The following PPFIA2 variants were observed in gnomAD, a reference collection of about 807,000 sequenced individuals.
The protein encoded by PPFIA2 is liprin-alpha-2.
In PPFIA2, 46 loss-of-function variants were observed where a neutral mutation model predicts 175.5. The ratio of observed to expected loss-of-function variants is 0.26; its 90% CI spans 0.21 to 0.34. The LOEUF is 0.34. Ranked by LOEUF, PPFIA2 falls within the 10% of genes least tolerant of loss-of-function variation. PPFIA2 has a pLI of 1.00. For synonymous variants in PPFIA2, 568 were observed against 511.4 expected, an observed-to-expected ratio of 1.11 and a Z score of -1.49; for missense variants, 1,179 against 1,506.1, an observed-to-expected ratio of 0.78 and a Z score of 3.60.
chr12:81,616,001 C>T (rs373029227), intron 4 of PPFIA2, among the ~76,000 whole-genome samples: 1 of 152,048 alleles, frequency 6.6e-6, no homozygotes, highest in South Asian at 2.1e-4. Context: ...TCTTTAATAA[C>T]AGATGGAAAG....
Position 81,745,125 on chromosome 12 carries a change from T to G in PPFIA2, c.249+8848A>C, listed in dbSNP as rs147567478. Among the ~76,000 whole-genome samples, 628 of 152,336 alleles carry G rather than the reference T, an allele frequency of 4.1e-3. 14 individuals carry two copies. The highest frequency in any genetic ancestry group is 0.037 in the Admixed American group (566 of 15,304). On this transcript the variant is annotated intron_variant, in intron 3 of 32. Coordinates refer to ENST00000549396, the MANE Select transcript of PPFIA2 (RefSeq NM_003625.5). The stretch of plus-strand genomic sequence containing the variant: ...AGCCGTCCTAGCTTCTCTAGCATGA[T>G]TAGACAATAAATTAATTATCTTTTG...
At chr12:81,690,898 C>T (rs2075161020) in intron 3 of PPFIA2, among the ~76,000 whole-genome samples, 1 of 152,044 alleles carries the variant, frequency 6.6e-6, no homozygotes, top group Non-Finnish European at 1.5e-5. Context: ...TTATTTCAAT[C>T]TCTAGTTCTA....
chr12:81,389,699 T>C (rs996565450), intron 8 of PPFIA2, among the ~76,000 whole-genome samples: 2 of 152,086 alleles, frequency 1.3e-5, no homozygotes, highest in Non-Finnish European at 2.9e-5. Flanking sequence ...TCCAAACCAT[T>C]GTTAACTTGA....
intron 8 of PPFIA2, among the ~76,000 whole-genome samples, chr12:81,400,190 C>A (rs1566656331): frequency 6.6e-6 from 1 of 152,118 alleles, no homozygotes; most frequent in African/African-American, 2.4e-5. Flanking sequence ...GTGTGCAAAT[C>A]TTCACACTAT....
At chr12:81,663,587 C>G (rs959837696) in intron 4 of PPFIA2, among the ~76,000 whole-genome samples, 6 of 152,068 alleles carry the variant, frequency 3.9e-5, no homozygotes, top group African/African-American at 1.4e-4. Context: ...TAGGAAGAAT[C>G]AATATCATGA....
At chr12:81,752,495 A>T (rs888756614) in intron 3 of PPFIA2, among the ~76,000 whole-genome samples, 25 of 152,208 alleles carry the variant, frequency 1.6e-4, no homozygotes, top group African/African-American at 6.0e-4. Flanking sequence ...TGATGACACA[A>T]ACCAGGGTAC....
intron 4 of PPFIA2, among the ~76,000 whole-genome samples, chr12:81,611,851 C>T (rs1679136582): frequency 6.6e-6 from 1 of 152,134 alleles, no homozygotes; most frequent in South Asian, 2.1e-4. Context: ...CCTGACATCT[C>T]ACATGTCCAT....
At chr12:81,327,868 CTT>C (rs913708257) in intron 21 of PPFIA2, among the ~76,000 whole-genome samples, 2 of 151,788 alleles carry the variant, frequency 1.3e-5, no homozygotes, top group African/African-American at 4.8e-5. Flanking sequence ...GCATGAAGAA[CTT>C]AGAAATACTC....
intron 4 of PPFIA2, among the ~76,000 whole-genome samples, chr12:81,462,927 G>A (rs765263519): frequency 2.0e-5 from 3 of 151,874 alleles, no homozygotes; most frequent in African/African-American, 4.8e-5. Context: ...TTTATCATTT[G>A]TTCATTGGAT....
At position 81,263,344 on chromosome 12, in the gene PPFIA2, A is replaced by G; in HGVS notation, c.3602T>C (p.Phe1201Ser). ...FRRGSTWRRQFPPREVHGISM... is the reference protein window; with the variant it reads ...FRRGSTWRRQSPPREVHGISM... ...GATTCCATGTACTTCACGAGGAGGA[A>G]ACTGCCTTCTCCAGGTTGATCCACG... Residue 1201 changes from phenylalanine to serine, a missense_variant, in exon 31 of 33, where the codon TTT (phenylalanine) becomes TCT (serine). Phe to Ser is a radical substitution (Grantham distance 155). This residue lies in a region of PPFIA2 where 245 missense variants were observed against 375.1 expected (regional missense o/e 0.65). Coordinates refer to ENST00000549396, the MANE Select transcript of PPFIA2 (RefSeq NM_003625.5). The G allele has an allele frequency of 6.2e-7, 1 of 1,613,178 alleles. No individual in the cohort carries two copies. Among genetic ancestry groups the G allele is most frequent in the South Asian group, 1.1e-5 (1 of 91,060 alleles).
intron 4 of PPFIA2, among the ~76,000 whole-genome samples, chr12:81,635,198 T>C (rs2063846398): frequency 6.6e-6 from 1 of 152,200 alleles, no homozygotes; most frequent in Non-Finnish European, 1.5e-5. Context: ...TGGGCATACT[T>C]TAGAGTAAGA....
At chr12:81,655,828 T>C (rs956357971) in intron 4 of PPFIA2, among the ~76,000 whole-genome samples, 1 of 152,034 alleles carries the variant, frequency 6.6e-6, no homozygotes, top group East Asian at 1.9e-4. Context: ...AGACTTTATA[T>C]TCTAGTCCAA....
At chr12:81,638,682 C>CT (rs869311003) in intron 4 of PPFIA2, among the ~76,000 whole-genome samples, 7,470 of 72,292 alleles carry the variant, frequency 0.1, 1,127 homozygotes, top group Middle Eastern at 0.14. Context: ...CATAAATTTT[C>CT]TTTTTTTTTT....
rs74349011 is a variant in PPFIA2, at chr12:81,565,481, C to T, written c.304-107615G>A. Among the ~76,000 whole-genome samples, 329 of 152,244 alleles carry T rather than the reference C, an allele frequency of 2.2e-3. 7 individuals carry two copies. The East Asian group carries it at 0.047, about 22-fold the overall frequency. On this transcript the variant is annotated intron_variant, in intron 4 of 32. Coordinates refer to ENST00000549396, the MANE Select transcript of PPFIA2 (RefSeq NM_003625.5). ...GATCATGTGAGTTAATAATAAACTC[C>T]TGTCTATCTATCTACCTATCTATCT...
chr12:81,417,797 A>C (rs1291894217), intron 7 of PPFIA2, among the ~76,000 whole-genome samples: 1 of 151,804 alleles, frequency 6.6e-6, no homozygotes, highest in Non-Finnish European at 1.5e-5. Flanking sequence ...CACCCTTACT[A>C]TTATGAATAA....
chr12:81,565,189 A>C (rs2153401368), intron 4 of PPFIA2, among the ~76,000 whole-genome samples: 1 of 152,228 alleles, frequency 6.6e-6, no homozygotes, highest in South Asian at 2.1e-4. Context: ...TGAGGAGATA[A>C]ACCCTGTGCT....
chr12:81,635,488 G>A (rs2063883079), intron 4 of PPFIA2, among the ~76,000 whole-genome samples: 1 of 152,184 alleles, frequency 6.6e-6, no homozygotes, highest in African/African-American at 2.4e-5. Flanking sequence ...GTGCAAGAAT[G>A]TCTGTAGCCT....
At chr12:81,455,867 T>C (rs1325798425) in intron 5 of PPFIA2, among the ~76,000 whole-genome samples, 1 of 152,326 alleles carries the variant, frequency 6.6e-6, no homozygotes, top group Non-Finnish European at 1.5e-5. Context: ...TCTGGCAAGT[T>C]ATCTGACCTT....
chr12:81,640,797 A>T (rs1443806457), intron 4 of PPFIA2, among the ~76,000 whole-genome samples: 2 of 152,162 alleles, frequency 1.3e-5, no homozygotes, highest in Non-Finnish European at 2.9e-5. Flanking sequence ...TTAAGTACAT[A>T]GTTATTTATT....
Sources: allele counts gnomAD v4.1 joint callset (sites outside exome capture counted in the v4.1 genomes callset), GRCh38; gene constraint gnomAD v4.1.1; regional missense constraint gnomAD v4.1.1; transcripts MANE v1.5; gene names NCBI Gene and HGNC (gene_info 2026-07-23, HGNC 2026-07-21).